PRUNE2: variants seen among roughly 807,000 people sequenced by gnomAD.
PRUNE2 encodes prune homolog 2 with BCH domain.
Under a neutral mutation model 252.0 loss-of-function variants are expected in PRUNE2, and 164 were observed. That is an observed-to-expected ratio of 0.65 (90% CI 0.57 to 0.74). The LOEUF (loss-of-function observed/expected upper bound fraction) is 0.74, where lower values mean the gene tolerates loss of function less well. Among genes scored for constraint, PRUNE2 ranks in the 30% least tolerant of loss-of-function variants. PRUNE2 has a pLI of 0.00. For synonymous variants in PRUNE2, 1,292 were observed against 1,350.2 expected (o/e 0.96, Z 0.94); for missense variants, 3,495 against 3,711.0 (o/e 0.94, Z 1.51).
chr9:76,796,565 T>C (rs544926394), intron 6 of PRUNE2, among the ~76,000 whole-genome samples: 1 of 152,350 alleles, frequency 6.6e-6, no homozygotes, highest in South Asian at 2.1e-4. Context: ...CCTGTTTTAC[T>C]ATAAAATGGG....
chr9:76,679,200 C>T (rs893541634), intron 9 of PRUNE2, among the ~76,000 whole-genome samples: 1 of 152,184 alleles, frequency 6.6e-6, no homozygotes, highest in Non-Finnish European at 1.5e-5. Flanking sequence ...GGATAGGGAA[C>T]ACTGCCTTGC....
At chr9:76,872,502 A>G (rs905255839) in intron 1 of PRUNE2, among the ~76,000 whole-genome samples, 6 of 152,036 alleles carry the variant, frequency 3.9e-5, no homozygotes, top group African/African-American at 1.4e-4. Flanking sequence ...GGGAAGAAAG[A>G]TAAGAGTTTC....
At chr9:76,886,189 A>G (rs536905091) in intron 1 of PRUNE2, among the ~76,000 whole-genome samples, 3 of 139,748 alleles carry the variant, frequency 2.1e-5, no homozygotes, top group African/African-American at 8.0e-5. Flanking sequence ...CGTCTAAATT[A>G]AAAAAAAAAA....
chr9:76,766,433 C>T (rs948525405), intron 6 of PRUNE2, among the ~76,000 whole-genome samples: 2 of 152,094 alleles, frequency 1.3e-5, no homozygotes, highest in East Asian at 1.9e-4. Flanking sequence ...ATGTCTTTAA[C>T]GATGCTTAAC....
intron 16 of PRUNE2, among the ~76,000 whole-genome samples, chr9:76,628,519 G>A (rs1835961775): frequency 6.6e-6 from 1 of 151,934 alleles, no homozygotes. Flanking sequence ...AGAAATCCAA[G>A]CTATGCTAAG....
intron 6 of PRUNE2, among the ~76,000 whole-genome samples, chr9:76,763,875 G>A (rs976284974): frequency 1.3e-5 from 2 of 152,176 alleles, no homozygotes; most frequent in Non-Finnish European, 2.9e-5. Context: ...AATAAAAGAG[G>A]AAAGGAAATT....
intron 12 of PRUNE2, among the ~76,000 whole-genome samples, chr9:76,642,723 T>A (rs1843089341): frequency 6.6e-6 from 1 of 152,250 alleles, no homozygotes; most frequent in Admixed American, 6.5e-5. Flanking sequence ...GAGAGTGCTG[T>A]AAACTCCTAA....
chr9:76,672,514 G>C (rs1276749989), intron 9 of PRUNE2, among the ~76,000 whole-genome samples: 2 of 112,630 alleles, frequency 1.8e-5, no homozygotes, highest in Admixed American at 1.0e-4. Context: ...AGTCAACAAG[G>C]ATACCCAGGA....
At chr9:76,794,013 A>G (rs1299985791) in intron 6 of PRUNE2, among the ~76,000 whole-genome samples, 2 of 152,212 alleles carry the variant, frequency 1.3e-5, no homozygotes, top group Admixed American at 6.5e-5. Flanking sequence ...GTTTCTTAAC[A>G]ATGCTTTGCT....
intron 6 of PRUNE2, among the ~76,000 whole-genome samples, chr9:76,800,792 T>C (rs886537417): frequency 1.3e-5 from 2 of 152,206 alleles, no homozygotes; most frequent in African/African-American, 4.8e-5. Context: ...ACATAAAATG[T>C]TGAATTGTGT....
At chr9:76,799,003 C>T (rs532490607) in intron 6 of PRUNE2, among the ~76,000 whole-genome samples, 55 of 152,252 alleles carry the variant, frequency 3.6e-4, no homozygotes, top group African/African-American at 1.3e-3. Flanking sequence ...TCCAGATCAC[C>T]CTGGCAGGCT....
intron 6 of PRUNE2, among the ~76,000 whole-genome samples, chr9:76,725,231 G>A (rs1376459099): frequency 1.3e-5 from 2 of 152,180 alleles, no homozygotes; most frequent in Admixed American, 1.3e-4. Context: ...TTCTGCACGT[G>A]TGCATTGCAC....
At chr9:76,806,750 C>T (rs966966927) in intron 6 of PRUNE2, among the ~76,000 whole-genome samples, 3 of 151,112 alleles carry the variant, frequency 2.0e-5, no homozygotes, top group African/African-American at 7.3e-5. Flanking sequence ...AATCTCCTGA[C>T]CTCGTGATCT....
chr9:76,790,117 T>C (rs1315712956), intron 6 of PRUNE2, among the ~76,000 whole-genome samples: 1 of 152,174 alleles, frequency 6.6e-6, no homozygotes, highest in Non-Finnish European at 1.5e-5. Flanking sequence ...GCTCTTTTTC[T>C]CCATGAAGCT....
intron 14 of PRUNE2, among the ~76,000 whole-genome samples, chr9:76,637,009 G>GTGTGTA (rs1554779750): frequency 0.019 from 2,828 of 150,318 alleles, 54 homozygotes; most frequent in African/African-American, 0.042. Flanking sequence ...GTGTGTGTGT[G>GTGTGTA]TATAATTTTA....
At chr9:76,719,108 G>C (rs2135196156) in intron 6 of PRUNE2, among the ~76,000 whole-genome samples, 1 of 151,984 alleles carries the variant, frequency 6.6e-6, no homozygotes, top group African/African-American at 2.4e-5. Flanking sequence ...AGCATCAAGG[G>C]GCAGCTTTAT....
At chr9:76,796,440 G>A (rs897528995) in intron 6 of PRUNE2, among the ~76,000 whole-genome samples, 1 of 152,148 alleles carries the variant, frequency 6.6e-6, no homozygotes, top group African/African-American at 2.4e-5. Flanking sequence ...AAATCTGAGA[G>A]GATTCTGTAA....
intron 1 of PRUNE2, among the ~76,000 whole-genome samples, chr9:76,864,518 T>C (rs1427363235): frequency 2.6e-5 from 4 of 152,182 alleles, no homozygotes; most frequent in African/African-American, 9.7e-5. Context: ...AACAGTTCAT[T>C]ATCAAATGTC....
intron 9 of PRUNE2, among the ~76,000 whole-genome samples, chr9:76,676,262 C>G (rs1588488634): frequency 4.1e-5 from 5 of 120,520 alleles, no homozygotes; most frequent in African/African-American, 1.1e-4. Context: ...AAAAAATCTT[C>G]CACTCAAATT....
Sources: allele counts gnomAD v4.1 joint callset (sites outside exome capture counted in the v4.1 genomes callset), GRCh38; gene constraint gnomAD v4.1.1; transcripts MANE v1.5; gene names NCBI Gene and HGNC (gene_info 2026-07-23, HGNC 2026-07-21).